The following SAMTOR variants were observed in gnomAD, a reference collection of about 807,000 sequenced individuals.
SAMTOR encodes the protein S-adenosylmethionine sensor upstream of mTORC1, also known as UPF0532 protein C7orf60.
the SAMTOR span, among the ~76,000 whole-genome samples, chr7:112,936,567 A>T: frequency 0.019 from 2,870 of 152,284 alleles, 31 homozygotes; most frequent in Non-Finnish European, 0.025. Context: ...AGTGGAAAAA[A>T]ATCTTTTCTT....
chr7:112,903,173 T>C, the SAMTOR span, among the ~76,000 whole-genome samples: 1 of 151,664 alleles, frequency 6.6e-6, no homozygotes, highest in Non-Finnish European at 1.5e-5. Context: ...ATTAGCTGGG[T>C]GTAGTGGCAG....
the SAMTOR span, among the ~76,000 whole-genome samples, chr7:112,913,343 CCT>C: frequency 2.0e-5 from 3 of 152,134 alleles, no homozygotes; most frequent in Non-Finnish European, 2.9e-5. Flanking sequence ...CTCCCTGGCT[CCT>C]CTGAGTCATT....
At chr7:112,888,140 G>C in the SAMTOR span, among the ~76,000 whole-genome samples, 1 of 152,198 alleles carries the variant, frequency 6.6e-6, no homozygotes, top group East Asian at 1.9e-4. Flanking sequence ...TTTTCAGTTA[G>C]TTCAAAAACA....
the SAMTOR span, among the ~76,000 whole-genome samples, chr7:112,863,522 G>T: frequency 6.6e-6 from 1 of 150,424 alleles, no homozygotes; most frequent in African/African-American, 2.4e-5. Flanking sequence ...GAAAATTTTT[G>T]TAAGTTATGT....
chr7:112,828,085 A>G, the SAMTOR span, among the ~76,000 whole-genome samples: 7 of 152,196 alleles, frequency 4.6e-5, no homozygotes, highest in South Asian at 2.1e-4. Flanking sequence ...AGGGCCAAGT[A>G]TATTTCTGAT....
the SAMTOR span, among the ~76,000 whole-genome samples, chr7:112,848,773 T>C: frequency 2.2e-4 from 34 of 152,212 alleles, no homozygotes; most frequent in African/African-American, 8.0e-4. Flanking sequence ...GTGCAGTCAC[T>C]TATTTCACTA....
the SAMTOR span, among the ~76,000 whole-genome samples, chr7:112,882,234 G>A: frequency 6.6e-6 from 1 of 152,214 alleles, no homozygotes; most frequent in Non-Finnish European, 1.5e-5. Flanking sequence ...CTTGCCCTTG[G>A]CAGGCATGGG....
the SAMTOR span, chr7:112,895,456 T>C: frequency 3.0e-6 from 2 of 671,486 alleles, no homozygotes; most frequent in Admixed American, 3.0e-5. Context: ...TCTCAGTCTA[T>C]CATGTAACTA....
chr7:112,925,227 C>T, the SAMTOR span, among the ~76,000 whole-genome samples: 1 of 152,144 alleles, frequency 6.6e-6, no homozygotes, highest in Non-Finnish European at 1.5e-5. Flanking sequence ...AACACTATTT[C>T]TGACTTTATC....
chr7:112,906,560 T>G, the SAMTOR span, among the ~76,000 whole-genome samples: 1 of 134,638 alleles, frequency 7.4e-6, no homozygotes, highest in Non-Finnish European at 1.6e-5. Context: ...CTAGAACAAA[T>G]GGAAAGACAT....
chr7:112,939,873 G>T, the SAMTOR span: 2 of 737,666 alleles, frequency 2.7e-6, no homozygotes, highest in East Asian at 2.7e-5. Flanking sequence ...GAACCGGAGC[G>T]ACAGCCTTGG....
At chr7:112,917,516 C>G in the SAMTOR span, among the ~76,000 whole-genome samples, 258 of 152,240 alleles carry the variant, frequency 1.7e-3, no homozygotes, top group African/African-American at 5.9e-3. Context: ...AGCAGAAAAA[C>G]TGGAAACTCT....
At chr7:112,936,033 T>C in the SAMTOR span, among the ~76,000 whole-genome samples, 3 of 152,208 alleles carry the variant, frequency 2.0e-5, no homozygotes, top group Non-Finnish European at 4.4e-5. Context: ...TAAAAAGCTG[T>C]CTATAACTCT....
At chr7:112,894,709 A>G in the SAMTOR span, among the ~76,000 whole-genome samples, 1 of 152,176 alleles carries the variant, frequency 6.6e-6, no homozygotes, top group Non-Finnish European at 1.5e-5. Flanking sequence ...CGCCCCCATG[A>G]TTCAATTATT....
chr7:112,872,302 G>A, the SAMTOR span, among the ~76,000 whole-genome samples: 1 of 152,036 alleles, frequency 6.6e-6, no homozygotes, highest in Admixed American at 6.6e-5. Context: ...CTTATTCCTA[G>A]GTTGCAAGAT....
the SAMTOR span, among the ~76,000 whole-genome samples, chr7:112,924,072 T>A: frequency 6.6e-6 from 1 of 151,356 alleles, no homozygotes; most frequent in African/African-American, 2.4e-5. Flanking sequence ...AGGGATAGCA[T>A]TAGGAGATAT....
the SAMTOR span, chr7:112,821,704 G>T: frequency 4.6e-6 from 7 of 1,534,092 alleles, no homozygotes; most frequent in Non-Finnish European, 6.1e-6. Flanking sequence ...TAAGCAATTA[G>T]TTTAGGAGCC....
chr7:112,889,002 A>C, the SAMTOR span, among the ~76,000 whole-genome samples: 1 of 152,220 alleles, frequency 6.6e-6, no homozygotes, highest in Non-Finnish European at 1.5e-5. Flanking sequence ...TATGCAAAAC[A>C]GCATTCTAGT....
At chr7:112,893,828 G>T in the SAMTOR span, among the ~76,000 whole-genome samples, 1 of 152,304 alleles carries the variant, frequency 6.6e-6, no homozygotes, top group African/African-American at 2.4e-5. Flanking sequence ...CGTGAACCTG[G>T]GAGGCGGAGC....
Sources: gnomAD v4.1 joint callset for allele counts (sites outside exome capture counted in the v4.1 genomes callset) on GRCh38, gnomAD v4.1.1 for gene constraint, MANE v1.5 for transcripts, NCBI Gene and HGNC (gene_info 2026-07-23, HGNC 2026-07-21) for gene names.